Variants in SUCLG2 observed in about 807,000 individuals in gnomAD.
The protein encoded by SUCLG2 is succinate-CoA ligase GDP-forming subunit beta.
SUCLG2 carries 42 observed loss-of-function variants against 47.9 expected under a neutral mutation model. The observed-to-expected ratio is 0.88, with a 90% CI of 0.69 to 1.14. The LOEUF is 1.14. Among genes scored for constraint, SUCLG2 ranks in the 50% most tolerant of loss-of-function variants. SUCLG2 has a pLI of 0.00. For missense variants in SUCLG2, 571 were observed against 525.9 expected (o/e 1.09, Z -0.84); for synonymous variants, 195 against 197.3 (o/e 0.99, Z 0.10).
chr3:67,539,088 A>C lies in SUCLG2; in HGVS notation c.227-9902T>G, dbSNP rs141608964. Among the ~76,000 whole-genome samples, 676 of 152,276 alleles carry C rather than the reference A, an allele frequency of 4.4e-3. 8 individuals are homozygous for C. In the East Asian group the frequency reaches 0.054, roughly 12 times the overall value. ...CTGATTGTCCTGGCCACATCTTCTA[A>C]TACTATGTTGAATAGGAGTGGTGAG... On this transcript the variant is annotated intron_variant, in intron 2 of 10. Coordinates refer to ENST00000307227, the MANE Select transcript of SUCLG2 (RefSeq NM_003848.4).
intron 9 of SUCLG2, among the ~76,000 whole-genome samples, chr3:67,427,173 T>C (rs1465842049): frequency 6.6e-6 from 1 of 152,228 alleles, no homozygotes; most frequent in South Asian, 2.1e-4. Flanking sequence ...TTTTATGTTA[T>C]CACTCTTCTT....
At chr3:67,428,929 C>T (rs947551449) in intron 9 of SUCLG2, among the ~76,000 whole-genome samples, 9 of 152,098 alleles carry the variant, frequency 5.9e-5, no homozygotes, top group Admixed American at 3.3e-4. Flanking sequence ...TGAACAAAAC[C>T]TCCAAGAAAT....
At chr3:67,562,777 C>T (rs2772447) in intron 2 of SUCLG2, among the ~76,000 whole-genome samples, 35,825 of 152,028 alleles carry the variant, frequency 0.24, 6,296 homozygotes, top group East Asian at 0.47. Flanking sequence ...TAAATTGCCT[C>T]AATACAACAT....
At chr3:67,450,095 G>C (rs1399417793) in intron 9 of SUCLG2, among the ~76,000 whole-genome samples, 1 of 152,030 alleles carries the variant, frequency 6.6e-6, no homozygotes, top group Non-Finnish European at 1.5e-5. Flanking sequence ...AGGCTGAAGT[G>C]CAGTGGCATA....
intron 10 of SUCLG2, among the ~76,000 whole-genome samples, chr3:67,366,373 G>T (rs77947352): frequency 0.068 from 10,324 of 152,050 alleles, 855 homozygotes; most frequent in African/African-American, 0.19. Context: ...AAAAACCCCA[G>T]AAAAGTGGAA....
chr3:67,437,230 A>G (rs1015217103), intron 9 of SUCLG2, among the ~76,000 whole-genome samples: 3 of 152,152 alleles, frequency 2.0e-5, no homozygotes, highest in Non-Finnish European at 2.9e-5. Context: ...TATTCATTAG[A>G]TGTGAGTCAG....
Position 67,450,261 on chromosome 3 carries a change from C to T in SUCLG2, c.1062+45537G>A, listed in dbSNP as rs774774208. 1.1e-4 allele frequency among the ~76,000 whole-genome samples: 17 copies of T among 152,104 alleles called. 1 individual carries two copies. Among genetic ancestry groups the T allele is most frequent in the South Asian group, 6.2e-4 (3 of 4,826 alleles). ...TTTGCTATGATTCCCAGGCTGATCTCGAACACCTGGGCTGAAGCGATCCTG... is the reference window on the plus strand; with the variant it reads ...TTTGCTATGATTCCCAGGCTGATCTTGAACACCTGGGCTGAAGCGATCCTG... On this transcript the variant is annotated intron_variant, in intron 9 of 10. Transcript: ENST00000307227.
chr3:67,536,131 G>A (rs1440490532), intron 2 of SUCLG2, among the ~76,000 whole-genome samples: 2 of 152,154 alleles, frequency 1.3e-5, no homozygotes, highest in Non-Finnish European at 2.9e-5. Context: ...AACAAAAGGT[G>A]GCAACAGCCA....
intron 2 of SUCLG2, among the ~76,000 whole-genome samples, chr3:67,581,211 T>C (rs895326271): frequency 6.6e-6 from 1 of 152,234 alleles, no homozygotes; most frequent in African/African-American, 2.4e-5. Context: ...GTCATTCCCA[T>C]GGTGGTCTTT....
At chr3:67,508,475 A>G (rs1201343886) in intron 7 of SUCLG2, among the ~76,000 whole-genome samples, 3 of 152,002 alleles carry the variant, frequency 2.0e-5, no homozygotes, top group African/African-American at 7.2e-5. Flanking sequence ...TCAATATGTT[A>G]CCCAGGCTAG....
chr3:67,648,915 A>C (rs547074711), intron 1 of SUCLG2, among the ~76,000 whole-genome samples: 1 of 152,326 alleles, frequency 6.6e-6, no homozygotes, highest in African/African-American at 2.4e-5. Context: ...CTGTTACATT[A>C]AGCTGTATCA....
At chr3:67,629,067 C>A (rs928227987) in intron 1 of SUCLG2, among the ~76,000 whole-genome samples, 1 of 152,162 alleles carries the variant, frequency 6.6e-6, no homozygotes, top group Non-Finnish European at 1.5e-5. Context: ...CTGTTCGGTA[C>A]GCTTTGGTGT....
At chr3:67,642,291 C>T (rs550675929) in intron 1 of SUCLG2, among the ~76,000 whole-genome samples, 3 of 152,178 alleles carry the variant, frequency 2.0e-5, no homozygotes, top group East Asian at 1.9e-4. Flanking sequence ...ATCTCTGAGC[C>T]GCAGTTTGTT....
At chr3:67,360,885 G>T in intron 10 of SUCLG2, 1 of 845,766 alleles carries the variant, frequency 1.2e-6, no homozygotes, top group Non-Finnish European at 1.7e-6. Context: ...GAAACATCGT[G>T]TTACTGATTC....
intron 10 of SUCLG2, among the ~76,000 whole-genome samples, chr3:67,390,731 G>A (rs1332279233): frequency 6.6e-6 from 1 of 151,716 alleles, no homozygotes; most frequent in Non-Finnish European, 1.5e-5. Context: ...CCCAACCCAT[G>A]AAACTGTTGA....
At chr3:67,465,271 C>A (rs2106967900) in intron 9 of SUCLG2, among the ~76,000 whole-genome samples, 1 of 152,306 alleles carries the variant, frequency 6.6e-6, no homozygotes. Context: ...ATTCAAACTT[C>A]CTGATTTGGC....
intron 2 of SUCLG2, among the ~76,000 whole-genome samples, chr3:67,551,308 C>T (rs980308580): frequency 6.6e-5 from 10 of 152,170 alleles, no homozygotes; most frequent in Non-Finnish European, 1.2e-4. Flanking sequence ...TGATAGGATT[C>T]GCCTGCTACA....
At chr3:67,542,184 T>C (rs1390927507) in intron 2 of SUCLG2, among the ~76,000 whole-genome samples, 2 of 152,114 alleles carry the variant, frequency 1.3e-5, no homozygotes, top group African/African-American at 4.8e-5. Context: ...CTCAACATTC[T>C]TAAAGAAAAG....
chr3:67,505,516 C>T (rs978473848), intron 7 of SUCLG2, among the ~76,000 whole-genome samples: 1 of 152,102 alleles, frequency 6.6e-6, no homozygotes, highest in African/African-American at 2.4e-5. Flanking sequence ...TCAAAAATTC[C>T]CTATGGGTGA....
Sources: allele counts gnomAD v4.1 joint callset (sites outside exome capture counted in the v4.1 genomes callset), GRCh38; gene constraint gnomAD v4.1.1; transcripts MANE v1.5; gene names NCBI Gene and HGNC (gene_info 2026-07-23, HGNC 2026-07-21).